HTRA3: variants seen among roughly 807,000 people sequenced by gnomAD.
HTRA3 encodes serine protease HTRA3.
Under a neutral mutation model 43.2 loss-of-function variants are expected in HTRA3, and 41 were observed. The ratio of observed to expected loss-of-function variants is 0.95; its 90% CI spans 0.74 to 1.23. The LOEUF is 1.23. Ranked by LOEUF, HTRA3 falls within the 50% of genes most tolerant of loss-of-function variation. The pLI is 0.00. For synonymous variants in HTRA3, 295 were observed against 287.9 expected (o/e 1.02, Z -0.25); for missense variants, 628 against 647.1 (o/e 0.97, Z 0.32).
intron 7 of HTRA3, among the ~76,000 whole-genome samples, chr4:8,303,101 T>C (rs1220291049): frequency 6.6e-6 from 1 of 152,264 alleles, no homozygotes; most frequent in Non-Finnish European, 1.5e-5. Context: ...ATAAAGGTCC[T>C]ATTTCCAAAC....
intron 3 of HTRA3, among the ~76,000 whole-genome samples, chr4:8,290,687 G>A (rs559024527): frequency 4.6e-5 from 7 of 152,334 alleles, no homozygotes; most frequent in South Asian, 2.1e-4. Flanking sequence ...TGTGCACCAC[G>A]CAGCTTCTGG....
At position 8,279,500 on chromosome 4, in the gene HTRA3, G is replaced by T. The variant is rs1712657229; in HGVS notation, c.386-2937G>T. ...CGCGTCAGAGCTCAGGGGCCCAGCAGCCCAGGCGCTTGAGGGGGTCCAGGG... is the reference window on the plus strand; with the variant it reads ...CGCGTCAGAGCTCAGGGGCCCAGCATCCCAGGCGCTTGAGGGGGTCCAGGG... On this transcript the variant is annotated intron_variant, in intron 1 of 8. Transcript: ENST00000307358. This position sits in a 1 kb window ranked among gnomAD's most constrained non-coding sequence, Gnocchi z 7.4. Among the ~76,000 whole-genome samples the T allele has an allele frequency of 1.3e-5, 2 of 152,154 alleles. No individual in the cohort carries two copies. The highest frequency in any genetic ancestry group is 4.8e-5 in the African/African-American group (2 of 41,440).
At chr4:8,301,036 T>TCCACTC in intron 6 of HTRA3, among the ~76,000 whole-genome samples, 1 of 137,090 alleles carries the variant, frequency 7.3e-6, no homozygotes, top group Admixed American at 8.0e-5. Flanking sequence ...TTATTATTGA[T>TCCACTC]TCACACTCTC....
intron 1 of HTRA3, among the ~76,000 whole-genome samples, chr4:8,271,155 C>T (rs776061329): frequency 3.3e-5 from 5 of 152,216 alleles, no homozygotes; most frequent in East Asian, 3.9e-4. Context: ...GAACAGGCTC[C>T]GTGGAGCCTC....
intron 3 of HTRA3, among the ~76,000 whole-genome samples, chr4:8,287,541 C>A (rs1301148740): frequency 1.3e-5 from 2 of 152,136 alleles, no homozygotes; most frequent in Non-Finnish European, 2.9e-5. Context: ...CTTCTCATGG[C>A]AGAGCCGGAG....
At chr4:8,302,330 G>A (rs1380907200) in intron 6 of HTRA3, 133 bp from the exon 7 acceptor site, 3 of 793,374 alleles carry the variant, frequency 3.8e-6, no homozygotes, top group Non-Finnish European at 4.4e-6. Flanking sequence ...GGGGGACTGG[G>A]CCAGCTCAAG....
At chr4:8,293,652 G>T (rs578042821) in intron 5 of HTRA3, among the ~76,000 whole-genome samples, 3 of 152,230 alleles carry the variant, frequency 2.0e-5, no homozygotes, top group South Asian at 2.1e-4. Flanking sequence ...GGATGGGGGG[G>T]TCAAGGAGCT....
At chr4:8,281,469 A>AT (rs1195371902) in intron 1 of HTRA3, among the ~76,000 whole-genome samples, 1 of 152,172 alleles carries the variant, frequency 6.6e-6, no homozygotes, top group African/African-American at 2.4e-5. Context: ...ATTCAGTCCC[A>AT]TTTTTCAGAT....
At chr4:8,277,348 C>T (rs535920356) in intron 1 of HTRA3, among the ~76,000 whole-genome samples, 2 of 152,312 alleles carry the variant, frequency 1.3e-5, no homozygotes, top group Admixed American at 6.5e-5. Flanking sequence ...GGAATGGCTC[C>T]TCTGTCTCTG....
At chr4:8,304,366 G>A in intron 8 of HTRA3, 87 bp downstream of exon 8, 3 of 990,504 alleles carry the variant, frequency 3.0e-6, no homozygotes, top group Non-Finnish European at 4.6e-6. Context: ...ATGTGACCTT[G>A]AGCTTCCCAG....
intron 1 of HTRA3, among the ~76,000 whole-genome samples, chr4:8,271,532 C>T (rs1319317638): frequency 1.3e-5 from 2 of 152,140 alleles, no homozygotes; most frequent in African/African-American, 2.4e-5. Flanking sequence ...CAGGGTTTGG[C>T]GGGGAGTCCC....
At chr4:8,273,101 C>T (rs1712361733) in intron 1 of HTRA3, among the ~76,000 whole-genome samples, 1 of 152,222 alleles carries the variant, frequency 6.6e-6, no homozygotes, top group Admixed American at 6.5e-5. Context: ...TGAGGGACTG[C>T]TCTGAGGTCA....
intron 3 of HTRA3, 79 bp from the exon 4 acceptor site, chr4:8,291,290 CT>C (rs1713227858): frequency 7.9e-7 from 1 of 1,263,218 alleles, no homozygotes; most frequent in Admixed American, 1.7e-5. Flanking sequence ...TGGGACCCCC[CT>C]GCCAGGATCT....
chr4:8,295,689 TC>T lies in HTRA3; in HGVS notation c.1051+1491del. ...ACTTCCACATTGCTTTGCTGTCTCC[TC>T]CCAGCCCCCTCACTGGCAGTTCATT... On this transcript the variant is annotated intron_variant, in intron 6 of 8. Transcript: ENST00000307358. The surrounding 1 kb of genome is among the most constrained non-coding windows in gnomAD (Gnocchi z 6.9). 7.0e-7 allele frequency: 1 copy of T among 1,420,270 alleles called. No individual in the cohort carries two copies. The highest frequency in any genetic ancestry group is 1.5e-5 in the South Asian group (1 of 64,718). 88.0% of individuals were successfully genotyped at this position (1,420,270 alleles called of 1,614,324 possible). A position where few individuals can be genotyped will look rare whatever the true frequency, so the allele number is the denominator to read the frequency against.
At chr4:8,272,653 A>T (rs1371645531) in intron 1 of HTRA3, among the ~76,000 whole-genome samples, 1 of 152,250 alleles carries the variant, frequency 6.6e-6, no homozygotes. Context: ...CAGCAAGGTC[A>T]GGAGAGGCTC....
intron 2 of HTRA3, among the ~76,000 whole-genome samples, chr4:8,282,950 G>T (rs1213365222): frequency 3.9e-5 from 6 of 152,194 alleles, no homozygotes; most frequent in Non-Finnish European, 8.8e-5. Flanking sequence ...CAGGGCTCGG[G>T]GCAGTGGGAA....
At position 8,279,619 on chromosome 4, in the gene HTRA3, A is replaced by G. The variant is rs777593212; in HGVS notation, c.386-2818A>G. On this transcript the variant is annotated intron_variant, in intron 1 of 8. Transcript: ENST00000307358. The surrounding 1 kb of genome is among the most constrained non-coding windows in gnomAD (Gnocchi z 7.4). ...GTGTCTGAGTCCAGGATGGAGACAC[A>G]CAGGAAGGCAGCCTTTTCTAATCAC... 6.6e-6 allele frequency among the ~76,000 whole-genome samples: 1 copy of G among 152,144 alleles called. No homozygotes were observed. Among genetic ancestry groups the G allele is most frequent in the African/African-American group, 2.4e-5 (1 of 41,418 alleles).
rs756268282 is a variant in HTRA3 at position 8,270,092 on chromosome 4, G to A, written c.124G>A (p.Gly42Ser). The A allele has an allele frequency of 2.0e-6, 3 of 1,531,506 alleles. No individual in the cohort carries two copies. Among genetic ancestry groups the A allele is most frequent in the South Asian group, 1.2e-5 (1 of 84,178 alleles). 94.9% of individuals were successfully genotyped at this position (1,531,506 alleles called of 1,614,324 possible). The change falls in exon 1 of 9, where the codon GGC becomes AGC. Residue 42 changes from glycine (G) to serine (S), a missense_variant. Transcript: ENST00000307358. ...SRCPSPRCPG[G>S]YVPDLCNCCL... ...GTGTCCCAGCCCCCGCTGCCCCGGC[G>A]GCTACGTGCCCGACCTCTGCAACTG...
At chr4:8,288,132 G>T (rs2153005527) in intron 3 of HTRA3, among the ~76,000 whole-genome samples, 2 of 152,334 alleles carry the variant, frequency 1.3e-5, no homozygotes, top group South Asian at 4.1e-4. Flanking sequence ...GAGATTTAAT[G>T]GTTCCAAGGA....
Sources: gnomAD v4.1 joint callset for allele counts (sites outside exome capture counted in the v4.1 genomes callset) on GRCh38, gnomAD v4.1.1 for gene constraint, Gnocchi (gnomAD v3.1) non-coding constraint, MANE v1.5 for transcripts, NCBI Gene and HGNC (gene_info 2026-07-23, HGNC 2026-07-21) for gene names.